The following SYNGR1 variants were observed in gnomAD, a reference collection of about 807,000 sequenced individuals.
The protein encoded by SYNGR1 is synaptogyrin 1.
In SYNGR1, 14 loss-of-function variants were observed where a neutral mutation model predicts 26.1. That is an observed-to-expected ratio of 0.54 (90% CI 0.35 to 0.84). SYNGR1 has a LOEUF of 0.84. SYNGR1 is among the 40% of genes least tolerant of loss of function. SYNGR1 has a pLI of 0.01. For missense variants in SYNGR1, 319 were observed against 332.9 expected (o/e 0.96, Z 0.33); for synonymous variants, 141 against 150.1 (o/e 0.94, Z 0.44).
In SYNGR1 at chr22:39,377,197, A is replaced by T. The variant is rs537189441; in HGVS notation, c.483+1000A>T. ...CATCCTTCTGGTTTGCCCCGGGTTG[A>T]CGTCTTTTTCTTTTTGAGGGCCCCT... On this transcript the variant is annotated intron_variant, in intron 3 of 3. Coordinates refer to ENST00000328933, the MANE Select transcript of SYNGR1 (RefSeq NM_004711.5). 45 of 1,440,398 alleles carry T rather than the reference A, an allele frequency of 3.1e-5. No individual in the cohort carries two copies. In the East Asian group the frequency reaches 1.1e-3, roughly 35 times the overall value. The allele number at this position is 1,440,398 out of a possible 1,614,324, so 89.2% of individuals were successfully genotyped here. A position where few individuals can be genotyped will look rare whatever the true frequency, so the allele number is the denominator to read the frequency against.
chr22:39,358,492 C>T (rs895597712), intron 1 of SYNGR1, among the ~76,000 whole-genome samples: 4 of 152,232 alleles, frequency 2.6e-5, no homozygotes, highest in African/African-American at 9.6e-5. Flanking sequence ...CTGTAACACT[C>T]ACCGCGAAGG....
At chr22:39,352,040 C>T (rs761231080) in intron 1 of SYNGR1, among the ~76,000 whole-genome samples, 2 of 152,206 alleles carry the variant, frequency 1.3e-5, no homozygotes, top group Non-Finnish European at 2.9e-5. Context: ...GAGGAAGCTG[C>T]GGCTCAGCGA....
intron 1 of SYNGR1, 90 bp from the exon 2 acceptor site, chr22:39,374,226 G>T (rs2145628598): frequency 8.1e-7 from 1 of 1,228,488 alleles, no homozygotes; most frequent in African/African-American, 1.5e-5. Flanking sequence ...GGAGGGCCAG[G>T]CAGCAGGCGA....
At chr22:39,357,300 C>T (rs929289182) in intron 1 of SYNGR1, among the ~76,000 whole-genome samples, 5 of 152,134 alleles carry the variant, frequency 3.3e-5, no homozygotes, top group African/African-American at 1.2e-4. Context: ...GCCATCCCCT[C>T]ATGCTTTGTA....
rs376286911 is a variant in SYNGR1 at position 39,377,715 on chromosome 22, C to T, written c.483+1518C>T. The T allele has an allele frequency of 2.9e-4, 465 of 1,610,338 alleles. 2 individuals are homozygous for T. Among genetic ancestry groups the T allele is most frequent in the Middle Eastern group, 2.1e-3 (13 of 6,076 alleles). On this transcript the variant is annotated intron_variant, in intron 3 of 3. Transcript: ENST00000328933. ...GGCCTCCCCGGCTTGCAGAGGCCGGCAGCCCTGTATCACCCCTGGCAGTGA... is the reference window on the plus strand; with the variant it reads ...GGCCTCCCCGGCTTGCAGAGGCCGGTAGCCCTGTATCACCCCTGGCAGTGA...
rs1471045876 is a variant in SYNGR1, at chr22:39,373,587, A to T, written c.100-729A>T. On this transcript the variant is annotated intron_variant, in intron 1 of 3. Transcript: ENST00000328933. The stretch of plus-strand genomic sequence containing the variant: ...AACCTCCACCTCCTGGGCTCAAGAG[A>T]TCCTCCCCCTCATCTTCCCTGGTAC... Among the ~76,000 whole-genome samples the T allele has an allele frequency of 2.6e-5, 4 of 151,704 alleles. No homozygotes were observed. In the East Asian group the frequency reaches 7.8e-4, roughly 29 times the overall value.
chr22:39,372,438 C>CTTTTTTT lies in SYNGR1; in HGVS notation c.100-1854_100-1848dup, dbSNP rs767314185. ...GAGCCACCATGCACCACGCCCAGCT[C>CTTTTTTT]TTTTTTTTTTTTTTTTTTTTTTTTT... On this transcript the variant is annotated intron_variant, in intron 1 of 3. Coordinates refer to ENST00000328933, the MANE Select transcript of SYNGR1 (RefSeq NM_004711.5). Among the ~76,000 whole-genome samples, 12 of 54,652 alleles carry CTTTTTTT rather than the reference C, an allele frequency of 2.2e-4. 2 individuals carry two copies. Among genetic ancestry groups the CTTTTTTT allele is most frequent in the African/African-American group, 1.0e-3 (11 of 10,646 alleles). The allele number at this position is 54,652 out of a possible 152,430, so 35.9% of individuals were successfully genotyped here.
At chr22:39,365,192 G>GT (rs1391476123) in intron 1 of SYNGR1, among the ~76,000 whole-genome samples, 1 of 152,146 alleles carries the variant, frequency 6.6e-6, no homozygotes, top group African/African-American at 2.4e-5. Context: ...CTCGGCTGCT[G>GT]TGGCCAGTGT....
chr22:39,377,314 G>C, intron 3 of SYNGR1: 2 of 985,396 alleles, frequency 2.0e-6, no homozygotes, highest in Non-Finnish European at 2.4e-6. Flanking sequence ...GCCCTAGTGG[G>C]CCAGCCTTGG....
At chr22:39,358,534 C>T (rs1370092346) in intron 1 of SYNGR1, among the ~76,000 whole-genome samples, 1 of 151,948 alleles carries the variant, frequency 6.6e-6, no homozygotes, top group Non-Finnish European at 1.5e-5. Flanking sequence ...CCAGCGAGAC[C>T]ACGAGCCCAC....
At chr22:39,365,548 T>A (rs73885203) in intron 1 of SYNGR1, among the ~76,000 whole-genome samples, 3,101 of 152,288 alleles carry the variant, frequency 0.02, 102 homozygotes, top group African/African-American at 0.072. Flanking sequence ...ACCTGAGGCT[T>A]GTGTCGTGCT....
chr22:39,378,790 A>T (rs2145633852), intron 3 of SYNGR1, among the ~76,000 whole-genome samples: 1 of 152,258 alleles, frequency 6.6e-6, no homozygotes, highest in Non-Finnish European at 1.5e-5. Context: ...TAGAACTCCC[A>T]TCCTCCCTCT....
chr22:39,375,513 G>A (rs1925238336), intron 2 of SYNGR1: 1 of 223,244 alleles, frequency 4.5e-6, no homozygotes, highest in African/African-American at 2.3e-5. Context: ...GGCTCTGTGG[G>A]GTCGCAGCAC....
rs749852308 is a variant in SYNGR1 at position 39,374,458 on chromosome 22, C to T, written c.242C>T (p.Thr81Ile). 1.2e-6 allele frequency: 2 copies of T among 1,614,008 alleles called. No individual in the cohort carries two copies. The highest frequency in any genetic ancestry group is 1.7e-5 in the Admixed American group (1 of 60,030). ...GCCGTGGGCGTGCTCGCCTTCCTCA[C>T]CTGCCTGCTGTACCTGGCCCTGGAC... is the stretch of plus-strand genomic sequence containing the variant. ...GVAVGVLAFL[T>I]CLLYLALDVY... The change falls in exon 2 of 4, where the codon ACC becomes ATC. Residue 81 changes from threonine (T) to isoleucine (I), a missense_variant. By Grantham distance (89) the Thr-to-Ile change is moderately conservative. Transcript: ENST00000328933.
In SYNGR1 at chr22:39,384,211, A is replaced by C. The variant is rs1249446985; in HGVS notation, c.*2297A>C. On this transcript the variant is annotated 3_prime_UTR_variant, in exon 4 of 4. Coordinates refer to ENST00000328933, the MANE Select transcript of SYNGR1 (RefSeq NM_004711.5). Reference sequence around the variant, plus strand: ...AAAGCCTCTCCTGCTGATGGGCACTAGGAGACCTCAGGGTACTGCCCATCT... The same window carrying C: ...AAAGCCTCTCCTGCTGATGGGCACTCGGAGACCTCAGGGTACTGCCCATCT... 3.7e-6 allele frequency: 1 copy of C among 269,530 alleles called. No homozygotes were observed. The highest frequency in any genetic ancestry group is 6.9e-6 in the Non-Finnish European group (1 of 144,302). The allele number at this position is 269,530 out of a possible 1,614,324, so 16.7% of individuals were successfully genotyped here.
chr22:39,360,700 TGTG>T (rs1856983170), intron 1 of SYNGR1, among the ~76,000 whole-genome samples: 1 of 151,850 alleles, frequency 6.6e-6, no homozygotes, highest in African/African-American at 2.4e-5. Flanking sequence ...TGGAGGGAAA[TGTG>T]GTGGAAACCA....
At chr22:39,356,776 G>A (rs1179717834) in intron 1 of SYNGR1, among the ~76,000 whole-genome samples, 2 of 152,178 alleles carry the variant, frequency 1.3e-5, no homozygotes, top group African/African-American at 4.8e-5. Flanking sequence ...CACCCTCTCT[G>A]CCAGTGATTG....
chr22:39,373,992 G>A (rs1196813879), intron 1 of SYNGR1, among the ~76,000 whole-genome samples: 1 of 152,134 alleles, frequency 6.6e-6, no homozygotes, highest in Non-Finnish European at 1.5e-5. Context: ...TTGAGAGTCG[G>A]TCCAGTCCCA....
At chr22:39,375,480 A>G (rs2145630316) in intron 2 of SYNGR1, 1 of 192,296 alleles carries the variant, frequency 5.2e-6, no homozygotes, top group South Asian at 1.2e-4. Flanking sequence ...CTCGGCTCTC[A>G]GTGGGCCCCT....
Sources: allele counts gnomAD v4.1 joint callset (sites outside exome capture counted in the v4.1 genomes callset), GRCh38; gene constraint gnomAD v4.1.1; transcripts MANE v1.5; gene names NCBI Gene and HGNC (gene_info 2026-07-23, HGNC 2026-07-21).